Variants in KIF16B observed in about 807,000 individuals in gnomAD.
The protein encoded by KIF16B is kinesin-like protein KIF16B.
KIF16B carries 98 observed loss-of-function variants against 156.3 expected under a neutral mutation model. That is an observed-to-expected ratio of 0.63 (90% CI 0.53 to 0.74). The LOEUF is 0.74. Among genes scored for constraint, KIF16B ranks in the 30% least tolerant of loss-of-function variants. The pLI, the probability that KIF16B is intolerant of heterozygous loss-of-function variation, is 0.00. For synonymous variants in KIF16B, 564 were observed against 583.7 expected (o/e 0.97, Z 0.49); for missense variants, 1,421 against 1,606.5 (o/e 0.88, Z 1.97).
At chr20:16,440,276 C>T (rs1173563368) in intron 12 of KIF16B, among the ~76,000 whole-genome samples, 1 of 152,060 alleles carries the variant, frequency 6.6e-6, no homozygotes, top group Non-Finnish European at 1.5e-5. Context: ...CAGTCAAAAG[C>T]AGCCCTTAAA....
At chr20:16,449,353 T>TA (rs1357500570) in intron 12 of KIF16B, among the ~76,000 whole-genome samples, 1 of 152,206 alleles carries the variant, frequency 6.6e-6, no homozygotes, top group East Asian at 1.9e-4. Context: ...AAAAAAATGT[T>TA]ACGCCAATGA....
intron 12 of KIF16B, among the ~76,000 whole-genome samples, chr20:16,447,445 T>G (rs2066964906): frequency 6.6e-6 from 1 of 151,756 alleles, no homozygotes; most frequent in Admixed American, 6.6e-5. Flanking sequence ...AAAGAAAAGG[T>G]GTGACAGAAA....
intron 12 of KIF16B, among the ~76,000 whole-genome samples, chr20:16,456,332 A>G (rs1387826478): frequency 6.6e-6 from 1 of 152,192 alleles, no homozygotes; most frequent in Admixed American, 6.5e-5. Flanking sequence ...ACATGACATT[A>G]ATGTCTTTGC....
Position 16,322,471 on chromosome 20 carries a change from C to T in KIF16B, c.3712-10053G>A, listed in dbSNP as rs527923915. 7.6e-3 allele frequency among the ~76,000 whole-genome samples: 1,155 copies of T among 151,890 alleles called. 8 individuals carry two copies. The highest frequency in any genetic ancestry group is 0.013 in the Non-Finnish European group (869 of 67,830). On this transcript the variant is annotated intron_variant, in intron 24 of 25. Transcript: ENST00000354981. ...TAATATAAATTATTTTATAATTATT[C>T]GTGAATCCCAGGGTTGGGAATTATG...
At chr20:16,282,354 A>C (rs965998053) in intron 25 of KIF16B, among the ~76,000 whole-genome samples, 4 of 152,102 alleles carry the variant, frequency 2.6e-5, no homozygotes, top group African/African-American at 9.7e-5. Context: ...TCAACAGCTA[A>C]TACTACTCAG....
intron 1 of KIF16B, among the ~76,000 whole-genome samples, chr20:16,562,791 GTAA>G (rs1219306925): frequency 2.0e-5 from 3 of 152,184 alleles, no homozygotes; most frequent in African/African-American, 7.2e-5. Context: ...CCAGAGTGAG[GTAA>G]TAAAGCCTTC....
chr20:16,432,634 G>A (rs1952953675), intron 12 of KIF16B, among the ~76,000 whole-genome samples: 2 of 152,094 alleles, frequency 1.3e-5, no homozygotes, highest in Admixed American at 1.3e-4. Context: ...TCTGGGGCAG[G>A]GAGGTGGAGA....
intron 17 of KIF16B, among the ~76,000 whole-genome samples, chr20:16,385,063 G>C (rs1278601155): frequency 6.6e-6 from 1 of 152,014 alleles, no homozygotes; most frequent in East Asian, 1.9e-4. Flanking sequence ...CAGGCGTGGT[G>C]GTGGGCACCT....
chr20:16,368,417 T>C (rs1334126822), intron 22 of KIF16B: 1 of 987,292 alleles, frequency 1.0e-6, no homozygotes, highest in Non-Finnish European at 1.2e-6. Context: ...TTCAAGGGCA[T>C]GTGTGGGGCT....
intron 23 of KIF16B, among the ~76,000 whole-genome samples, chr20:16,349,493 G>A (rs2064294811): frequency 6.6e-6 from 1 of 152,206 alleles, no homozygotes; most frequent in South Asian, 2.1e-4. Flanking sequence ...GTGCTGCCTT[G>A]CAGGAATGTT....
At chr20:16,437,983 A>AT (rs1191819413) in intron 12 of KIF16B, among the ~76,000 whole-genome samples, 17 of 124,540 alleles carry the variant, frequency 1.4e-4, no homozygotes, top group East Asian at 4.4e-4. Flanking sequence ...AAATAAAAAA[A>AT]AATAATAAAA....
intron 1 of KIF16B, among the ~76,000 whole-genome samples, chr20:16,561,913 A>G (rs952391357): frequency 6.6e-6 from 1 of 152,192 alleles, no homozygotes; most frequent in Admixed American, 6.5e-5. Context: ...ACCAGAGAAG[A>G]CTCAGGAGAC....
chr20:16,514,162 C>T (rs977637324), intron 4 of KIF16B, among the ~76,000 whole-genome samples: 4 of 151,684 alleles, frequency 2.6e-5, no homozygotes, highest in African/African-American at 9.7e-5. Context: ...AAAATAGTTA[C>T]TAGGGAATCA....
At chr20:16,432,994 T>C (rs61664184) in intron 12 of KIF16B, among the ~76,000 whole-genome samples, 20,131 of 152,214 alleles carry the variant, frequency 0.13, 1,429 homozygotes, top group Non-Finnish European at 0.17. Context: ...TAGCAAGGAA[T>C]ATGCAAATCT....
chr20:16,419,972 A>T (rs1183656137), intron 15 of KIF16B, among the ~76,000 whole-genome samples: 3 of 152,180 alleles, frequency 2.0e-5, no homozygotes, highest in Non-Finnish European at 4.4e-5. Flanking sequence ...TAAAATTCAC[A>T]CTTTCTTGAA....
intron 12 of KIF16B, among the ~76,000 whole-genome samples, chr20:16,439,736 G>A (rs2066742961): frequency 6.6e-6 from 1 of 152,198 alleles, no homozygotes; most frequent in Admixed American, 6.5e-5. Flanking sequence ...AGGAAGGCAA[G>A]GAGGAGCAAG....
At chr20:16,501,704 G>C (rs1437530093) in intron 10 of KIF16B, among the ~76,000 whole-genome samples, 1 of 152,148 alleles carries the variant, frequency 6.6e-6, no homozygotes, top group Non-Finnish European at 1.5e-5. Context: ...CAGCATGGGT[G>C]ACTCTCACAA....
chr20:16,491,212 C>T (rs1033667807), intron 12 of KIF16B, among the ~76,000 whole-genome samples: 6 of 152,198 alleles, frequency 3.9e-5, no homozygotes, highest in Admixed American at 3.9e-4. Flanking sequence ...ACCAGGAAAC[C>T]CAAAGCCCCG....
intron 22 of KIF16B, among the ~76,000 whole-genome samples, chr20:16,359,335 G>A (rs1010824718): frequency 6.6e-6 from 1 of 151,608 alleles, no homozygotes; most frequent in Non-Finnish European, 1.5e-5. Flanking sequence ...GAAAGCATGT[G>A]GCACCTCCCT....
Sources: allele counts gnomAD v4.1 joint callset (sites outside exome capture counted in the v4.1 genomes callset), GRCh38; gene constraint gnomAD v4.1.1; transcripts MANE v1.5; gene names NCBI Gene and HGNC (gene_info 2026-07-23, HGNC 2026-07-21).